IGF2BP3: variants seen among roughly 807,000 people sequenced by gnomAD.
The protein encoded by IGF2BP3 is insulin-like growth factor 2 mRNA-binding protein 3.
In IGF2BP3, 9 loss-of-function variants were observed where a neutral mutation model predicts 73.8. The ratio of observed to expected loss-of-function variants is 0.12; its 90% CI spans 0.07 to 0.21. The LOEUF is 0.21. Ranked by LOEUF, IGF2BP3 falls within the 10% of genes least tolerant of loss-of-function variation. The pLI is 1.00. For missense variants in IGF2BP3, 542 were observed against 714.0 expected (o/e 0.76, Z 2.75); for synonymous variants, 258 against 256.7 (o/e 1.01, Z -0.05).
intron 3 of IGF2BP3, among the ~76,000 whole-genome samples, chr7:23,412,849 T>TTA (rs1298229200): frequency 5.3e-5 from 5 of 95,238 alleles, no homozygotes; most frequent in Non-Finnish European, 9.5e-5. Flanking sequence ...GGCCTTTTTT[T>TTA]TTTTTTTTTT....
intron 10 of IGF2BP3, among the ~76,000 whole-genome samples, chr7:23,324,332 A>G (rs1784234893): frequency 6.6e-6 from 1 of 151,876 alleles, no homozygotes; most frequent in African/African-American, 2.4e-5. Flanking sequence ...AGAAATGGAT[A>G]AATTCCTCGA....
intron 3 of IGF2BP3, among the ~76,000 whole-genome samples, chr7:23,418,034 G>A (rs750603718): frequency 4.6e-5 from 7 of 152,150 alleles, no homozygotes; most frequent in Non-Finnish European, 7.4e-5. Context: ...TTTGCATTTT[G>A]ATGGGGGTTA....
intron 2 of IGF2BP3, among the ~76,000 whole-genome samples, chr7:23,453,827 A>T (rs1056026228): frequency 6.6e-6 from 1 of 152,126 alleles, no homozygotes; most frequent in Non-Finnish European, 1.5e-5. Flanking sequence ...AACTAGTTAG[A>T]CAAGGGTGTT....
intron 10 of IGF2BP3, among the ~76,000 whole-genome samples, chr7:23,326,252 C>T (rs1784291626): frequency 6.6e-6 from 1 of 152,108 alleles, no homozygotes; most frequent in Admixed American, 6.5e-5. Flanking sequence ...AAAAAGTGGG[C>T]CAAGGACATG....
intron 2 of IGF2BP3, among the ~76,000 whole-genome samples, chr7:23,437,480 T>A (rs981030227): frequency 8.4e-6 from 1 of 118,660 alleles, no homozygotes; most frequent in Non-Finnish European, 1.7e-5. Context: ...CGAGACTTCA[T>A]TTCAAAAATA....
chr7:23,457,747 C>T (rs1788356431), intron 2 of IGF2BP3, among the ~76,000 whole-genome samples: 1 of 152,156 alleles, frequency 6.6e-6, no homozygotes, highest in Non-Finnish European at 1.5e-5. Context: ...TATTCAGCAA[C>T]GAGTGTAAGC....
At chr7:23,335,320 T>C (rs1300591011) in intron 10 of IGF2BP3, among the ~76,000 whole-genome samples, 4 of 151,980 alleles carry the variant, frequency 2.6e-5, no homozygotes, top group Non-Finnish European at 4.4e-5. Context: ...TCTCACTCTG[T>C]CACCCAGGCT....
At chr7:23,384,444 G>A (rs1052676524) in intron 3 of IGF2BP3, among the ~76,000 whole-genome samples, 3 of 151,998 alleles carry the variant, frequency 2.0e-5, no homozygotes, top group Non-Finnish European at 4.4e-5. Flanking sequence ...TGAATTGTAT[G>A]GTATTTAAAT....
chr7:23,408,477 AG>A (rs1028259283), intron 3 of IGF2BP3, among the ~76,000 whole-genome samples: 60 of 152,294 alleles, frequency 3.9e-4, no homozygotes, highest in African/African-American at 1.4e-3. Context: ...CCTACTATTT[AG>A]AAAAAAAAAC....
intron 2 of IGF2BP3, among the ~76,000 whole-genome samples, chr7:23,459,961 G>C (rs1339270214): frequency 6.6e-6 from 1 of 151,540 alleles, no homozygotes; most frequent in East Asian, 2.0e-4. Context: ...AGGCACAGTA[G>C]TTCACGTCTG....
chr7:23,444,821 G>A (rs1450590066), intron 2 of IGF2BP3, among the ~76,000 whole-genome samples: 1 of 151,558 alleles, frequency 6.6e-6, no homozygotes, highest in Non-Finnish European at 1.5e-5. Flanking sequence ...AGTAATCCCA[G>A]CAATCTGAGG....
At chr7:23,346,161 T>A (rs1185024421) in intron 7 of IGF2BP3, 99 bp from the exon 8 acceptor site, 22 of 1,344,644 alleles carry the variant, frequency 1.6e-5, no homozygotes, top group Non-Finnish European at 2.2e-5. Context: ...CTACCTACCA[T>A]CTGGGAAGCA....
rs12670080 is a variant in IGF2BP3, at chr7:23,348,961, C to T, written c.684-1227G>A. ...AGTCCTTAAGTGAAATAATGCAATT[C>T]ACATCATGACATGATTTCTTTTTTA... is the stretch of plus-strand genomic sequence containing the variant. On this transcript the variant is annotated intron_variant, in intron 6 of 14. Coordinates refer to ENST00000258729, the MANE Select transcript of IGF2BP3 (RefSeq NM_006547.3). Among the ~76,000 whole-genome samples the T allele has an allele frequency of 5.3e-5, 8 of 152,256 alleles. No homozygotes were observed. In the East Asian group the frequency reaches 1.5e-3, roughly 29 times the overall value.
chr7:23,326,812 C>T (rs1384975579), intron 10 of IGF2BP3, among the ~76,000 whole-genome samples: 4 of 142,184 alleles, frequency 2.8e-5, no homozygotes, highest in Admixed American at 7.2e-5. Flanking sequence ...TAAACTATCG[C>T]AAGAACAAAA....
intron 2 of IGF2BP3, among the ~76,000 whole-genome samples, chr7:23,460,515 G>A (rs1290723991): frequency 2.1e-5 from 3 of 145,244 alleles, no homozygotes; most frequent in Non-Finnish European, 1.5e-5. Flanking sequence ...TGGGTGACAA[G>A]AGTGAAACTC....
intron 2 of IGF2BP3, among the ~76,000 whole-genome samples, chr7:23,430,540 A>C (rs1025352750): frequency 2.0e-5 from 3 of 152,212 alleles, no homozygotes; most frequent in Admixed American, 2.0e-4. Context: ...GTGCCGAACT[A>C]AACCTATGTC....
intron 3 of IGF2BP3, among the ~76,000 whole-genome samples, chr7:23,387,704 C>T (rs1218441450): frequency 1.3e-5 from 2 of 152,146 alleles, no homozygotes; most frequent in Non-Finnish European, 2.9e-5. Context: ...TGCTACAATA[C>T]CCATGAACAC....
At chr7:23,354,561 A>G (rs1785045171) in intron 5 of IGF2BP3, among the ~76,000 whole-genome samples, 2 of 152,352 alleles carry the variant, frequency 1.3e-5, no homozygotes, top group Admixed American at 6.5e-5. Flanking sequence ...GGTAAAAGGT[A>G]CACACGTCAG....
At chr7:23,353,639 T>G (rs187129009) in intron 5 of IGF2BP3, among the ~76,000 whole-genome samples, 1 of 152,172 alleles carries the variant, frequency 6.6e-6, no homozygotes, top group Non-Finnish European at 1.5e-5. Context: ...AAAGCATAAT[T>G]GGGGTTGTGA....
Sources: allele counts gnomAD v4.1 joint callset (sites outside exome capture counted in the v4.1 genomes callset), GRCh38; gene constraint gnomAD v4.1.1; transcripts MANE v1.5; gene names NCBI Gene and HGNC (gene_info 2026-07-23, HGNC 2026-07-21).